The following ZNF423 variants were observed in gnomAD, a reference collection of about 807,000 sequenced individuals.
ZNF423 encodes zinc finger protein 423, also known as Ebf-associated zinc finger protein.
ZNF423 carries 12 observed loss-of-function variants against 95.8 expected under a neutral mutation model. That is an observed-to-expected ratio of 0.13 (90% CI 0.08 to 0.20). The LOEUF (loss-of-function observed/expected upper bound fraction) is 0.20. Ranked by LOEUF, ZNF423 falls within the 10% of genes least tolerant of loss-of-function variation. The pLI is 1.00. For missense variants in ZNF423, 1,316 were observed against 1,737.1 expected, an observed-to-expected ratio of 0.76 and a Z score of 4.31; for synonymous variants, 749 against 711.9, an observed-to-expected ratio of 1.05 and a Z score of -0.83.
intron 3 of ZNF423, among the ~76,000 whole-genome samples, chr16:49,640,222 G>A (rs1972922706): frequency 6.6e-6 from 1 of 152,152 alleles, no homozygotes; most frequent in Non-Finnish European, 1.5e-5. Flanking sequence ...CTTCAGGAAG[G>A]GATGGGGCAG....
chr16:49,645,169 C>T (rs1337544533), intron 3 of ZNF423, among the ~76,000 whole-genome samples: 4 of 152,158 alleles, frequency 2.6e-5, no homozygotes, highest in Non-Finnish European at 5.9e-5. Context: ...CCCGACAGGA[C>T]AAAGCTTTGT....
rs553981349 is a variant in ZNF423 at position 49,488,746 on chromosome 16, G to A, written c.*2529C>T. On this transcript the variant is annotated 3_prime_UTR_variant, in exon 8 of 8. Coordinates refer to ENST00000563137, the MANE Select transcript of ZNF423 (RefSeq NM_001379286.1). ...TCTGGAAGGGGTTAGTGAGTTCTCC[G>A]AGGCACAGGTTTATAACCCTACACT... 8 of 152,242 alleles carry A rather than the reference G, an allele frequency of 5.3e-5. No homozygotes were observed. Among genetic ancestry groups the A allele is most frequent in the African/African-American group, 1.7e-4 (7 of 41,530 alleles). The allele number at this position is 152,242 out of a possible 1,614,324, so 9.4% of individuals were successfully genotyped here.
chr16:49,635,744 C>T lies in ZNF423; in HGVS notation c.3432G>A (p.Glu1144=), dbSNP rs569823878. The T allele has an allele frequency of 6.2e-7, 1 of 1,612,652 alleles. No individual in the cohort carries two copies. The highest frequency in any genetic ancestry group is 1.1e-5 in the South Asian group (1 of 90,976). The part of the protein sequence containing the change: ...SVKFESAEDL[E]SHMQVDHRDL... ...CACGGTGGTCCACCTGCATGTGGCTCTCCAGGTCTTCGGCACTCTCAAACT... is the reference window on the plus strand; with the variant it reads ...CACGGTGGTCCACCTGCATGTGGCTTTCCAGGTCTTCGGCACTCTCAAACT... The change falls in exon 4 of 8, where the codon GAG becomes GAA. Residue 1144 remains glutamate (E), a synonymous_variant. Coordinates refer to ENST00000563137, the MANE Select transcript of ZNF423 (RefSeq NM_001379286.1). The surrounding 1 kb of genome is among the most constrained non-coding windows in gnomAD (Gnocchi z 4.8).
chr16:49,518,225 C>G (rs1968235603), intron 7 of ZNF423: 1 of 379,886 alleles, frequency 2.6e-6, no homozygotes, highest in Non-Finnish European at 5.1e-6. Flanking sequence ...CTGCATAGGT[C>G]CCCCATTATT....
intron 1 of ZNF423, among the ~76,000 whole-genome samples, chr16:49,796,083 T>C (rs942428576): frequency 3.9e-5 from 6 of 152,110 alleles, no homozygotes; most frequent in African/African-American, 1.2e-4. Context: ...GGACTCCACG[T>C]TGACTCTCAG....
At chr16:49,854,893 A>G (rs2035342106) in intron 1 of ZNF423, 17 of 985,142 alleles carry the variant, frequency 1.7e-5, no homozygotes, top group Non-Finnish European at 1.9e-5. Flanking sequence ...CCAGCACAGA[A>G]AGCCGGCCTG....
At position 49,730,030 on chromosome 16, in the gene ZNF423, C is replaced by T. The variant is rs529926714; in HGVS notation, c.301+741G>A. ...GGAACACAGGTCCTATGGACTCCCT[C>T]TGCAGATCTCAGAGCCCAGAAATGT... On this transcript the variant is annotated intron_variant, in intron 3 of 7. Coordinates refer to ENST00000563137, the MANE Select transcript of ZNF423 (RefSeq NM_001379286.1). Among the ~76,000 whole-genome samples, 3 of 152,280 alleles carry T rather than the reference C, an allele frequency of 2.0e-5. No homozygotes were observed. In the South Asian group the frequency reaches 6.2e-4, roughly 32 times the overall value.
upstream of ZNF423, among the ~76,000 whole-genome samples, chr16:49,858,451 G>T (rs1406180353): frequency 1.3e-5 from 2 of 151,878 alleles, no homozygotes; most frequent in Non-Finnish European, 2.9e-5. This position sits in a 1 kb window ranked among gnomAD's most constrained non-coding sequence, Gnocchi z 4.3. Flanking sequence ...GAGGCAGGGG[G>T]GCCAGGCGCG....
intron 5 of ZNF423, among the ~76,000 whole-genome samples, chr16:49,526,755 T>C (rs1241978582): frequency 6.6e-6 from 1 of 152,088 alleles, no homozygotes; most frequent in Non-Finnish European, 1.5e-5. Flanking sequence ...TTCCTCTGTC[T>C]GAAACACTCC....
At chr16:49,827,014 A>C (rs1416729062) in intron 1 of ZNF423, 1 of 152,190 alleles carries the variant, frequency 6.6e-6, no homozygotes, top group Non-Finnish European at 1.5e-5. Flanking sequence ...TTTCTTCTCT[A>C]TAGTTTTGTG....
chr16:49,507,288 C>T (rs1256726539), intron 7 of ZNF423, among the ~76,000 whole-genome samples: 1 of 143,706 alleles, frequency 7.0e-6, no homozygotes, highest in Non-Finnish European at 1.5e-5. Context: ...AACTAAAAAA[C>T]ATGGATGATC....
At chr16:49,609,172 C>G (rs914951187) in intron 5 of ZNF423, among the ~76,000 whole-genome samples, 2 of 152,146 alleles carry the variant, frequency 1.3e-5, no homozygotes, top group Non-Finnish European at 2.9e-5. Flanking sequence ...GGAAACGAGC[C>G]TGGAATTCTA....
chr16:49,813,201 T>C (rs1385281368), intron 1 of ZNF423, among the ~76,000 whole-genome samples: 10 of 139,974 alleles, frequency 7.1e-5, no homozygotes, highest in African/African-American at 2.6e-4. Context: ...CCACCCACCC[T>C]GGTGCCCTAC....
At chr16:49,684,076 A>G (rs1212465819) in intron 3 of ZNF423, among the ~76,000 whole-genome samples, 1 of 152,156 alleles carries the variant, frequency 6.6e-6, no homozygotes, top group Non-Finnish European at 1.5e-5. Context: ...GTCTCAAAAA[A>G]TTAAAATAAA....
chr16:49,608,907 C>T (rs569450127), intron 5 of ZNF423, among the ~76,000 whole-genome samples: 3 of 152,176 alleles, frequency 2.0e-5, no homozygotes, highest in Non-Finnish European at 2.9e-5. Context: ...ACTCACCGCC[C>T]GCTCTTCCCA....
At chr16:49,623,781 T>C (rs1025298797) in intron 5 of ZNF423, among the ~76,000 whole-genome samples, 2 of 152,002 alleles carry the variant, frequency 1.3e-5, no homozygotes, top group Admixed American at 6.6e-5. Flanking sequence ...ACACACACGA[T>C]TGGGAGTCAG....
At chr16:49,790,469 G>A (rs776146582) in intron 1 of ZNF423, among the ~76,000 whole-genome samples, 4 of 152,230 alleles carry the variant, frequency 2.6e-5, no homozygotes, top group Non-Finnish European at 5.9e-5. Flanking sequence ...GGTAGTGAGA[G>A]CCACGAAGAG....
chr16:49,648,147 G>C (rs1270255334), intron 3 of ZNF423, among the ~76,000 whole-genome samples: 1 of 152,102 alleles, frequency 6.6e-6, no homozygotes, highest in Non-Finnish European at 1.5e-5. Context: ...TATTAATAAA[G>C]GCACTGACAG....
intron 7 of ZNF423, among the ~76,000 whole-genome samples, chr16:49,500,927 C>T (rs1423405137): frequency 6.6e-6 from 1 of 151,630 alleles, no homozygotes; most frequent in African/African-American, 2.4e-5. Flanking sequence ...ATTGGGTGGA[C>T]GGGTTCTCAA....
Sources: gnomAD v4.1 joint callset for allele counts (sites outside exome capture counted in the v4.1 genomes callset) on GRCh38, gnomAD v4.1.1 for gene constraint, Gnocchi (gnomAD v3.1) non-coding constraint, MANE v1.5 for transcripts, NCBI Gene and HGNC (gene_info 2026-07-23, HGNC 2026-07-21) for gene names.